RCOR1: variants seen among roughly 807,000 people sequenced by gnomAD.
RCOR1 encodes the protein REST corepressor.
Under a neutral mutation model 64.0 loss-of-function variants are expected in RCOR1, and 12 were observed. The ratio of observed to expected loss-of-function variants is 0.19; its 90% confidence interval spans 0.12 to 0.30. The LOEUF is 0.30. RCOR1 is among the 10% of genes least tolerant of loss of function. The pLI is 1.00. For synonymous variants in RCOR1, 279 were observed against 227.2 expected (o/e 1.23, Z -2.05); for missense variants, 502 against 621.2 (o/e 0.81, Z 2.04).
intron 7 of RCOR1, among the ~76,000 whole-genome samples, chr14:102,713,261 T>A (rs918964676): frequency 5.4e-5 from 8 of 148,900 alleles, no homozygotes; most frequent in African/African-American, 2.0e-4. Flanking sequence ...GCCCGTAGTT[T>A]CTTTTTTTTT....
intron 2 of RCOR1, chr14:102,662,477 TTGA>T (rs1291841607): frequency 1.3e-5 from 7 of 534,574 alleles, no homozygotes; most frequent in African/African-American, 5.7e-5. Flanking sequence ...CAGCGGCAAC[TTGA>T]TGATAATATG....
chr14:102,729,845 C>G lies in RCOR1; in HGVS notation c.*3339C>G, dbSNP rs937799361. ...AGCTAAGGAAAGATGGAGCCAACTC[C>G]AACGAGGGCCTCTTTTTCTCTCTTG... On this transcript the variant is annotated 3_prime_UTR_variant, in exon 12 of 12. Transcript: ENST00000262241. 2.5e-6 allele frequency: 1 copy of G among 398,940 alleles called. No individual in the cohort carries two copies. The highest frequency in any genetic ancestry group is 2.1e-5 in the African/African-American group (1 of 48,624). The allele number at this position is 398,940 out of a possible 1,614,324, so 24.7% of individuals were successfully genotyped here. A position where few individuals can be genotyped will look rare whatever the true frequency, so the allele number is the denominator to read the frequency against.
intron 2 of RCOR1, among the ~76,000 whole-genome samples, chr14:102,639,786 G>A (rs1894327440): frequency 6.7e-6 from 1 of 149,610 alleles, no homozygotes; most frequent in Non-Finnish European, 1.5e-5. Flanking sequence ...GCCCACCTCA[G>A]CCTCCCAAAG....
intron 2 of RCOR1, among the ~76,000 whole-genome samples, chr14:102,637,128 T>A (rs576178561): frequency 8.3e-5 from 12 of 145,448 alleles, no homozygotes; most frequent in Non-Finnish European, 1.7e-4. Context: ...TGTTTGTTTT[T>A]TTATTTTTTT....
chr14:102,692,562 T>G (rs1297829288), intron 3 of RCOR1, among the ~76,000 whole-genome samples: 1 of 152,130 alleles, frequency 6.6e-6, no homozygotes, highest in Non-Finnish European at 1.5e-5. Flanking sequence ...CTTTTCGGTA[T>G]GCTTATATGC....
intron 2 of RCOR1, among the ~76,000 whole-genome samples, chr14:102,636,138 C>T (rs1437714490): frequency 6.6e-6 from 1 of 151,708 alleles, no homozygotes; most frequent in Non-Finnish European, 1.5e-5. Flanking sequence ...TGGGGTTTCA[C>T]CGTGTTAGCC....
chr14:102,596,811 C>T (rs1017527684), intron 2 of RCOR1, among the ~76,000 whole-genome samples: 4 of 151,396 alleles, frequency 2.6e-5, no homozygotes, highest in African/African-American at 7.3e-5. Context: ...GTGATCTCCC[C>T]GCCTTGTCCT....
intron 2 of RCOR1, among the ~76,000 whole-genome samples, chr14:102,594,828 A>G (rs985141156): frequency 9.9e-5 from 15 of 152,196 alleles, no homozygotes; most frequent in Non-Finnish European, 1.6e-4. Context: ...TTGTAGGTCA[A>G]GTCTATCTTT....
chr14:102,682,956 A>G (rs1895335458), intron 3 of RCOR1, among the ~76,000 whole-genome samples: 1 of 152,162 alleles, frequency 6.6e-6, no homozygotes. Flanking sequence ...GGCTGTGTTC[A>G]TTTAGCCTGT....
intron 2 of RCOR1, among the ~76,000 whole-genome samples, chr14:102,634,187 A>G (rs1413146345): frequency 1.3e-5 from 2 of 152,114 alleles, no homozygotes; most frequent in Non-Finnish European, 2.9e-5. Context: ...ATGCCATGTA[A>G]TAGGCTCCTT....
intron 2 of RCOR1, among the ~76,000 whole-genome samples, chr14:102,635,442 T>A (rs1894216001): frequency 6.6e-6 from 1 of 152,122 alleles, no homozygotes; most frequent in African/African-American, 2.4e-5. Flanking sequence ...AGGCGGAGGT[T>A]GCAGTGAGCT....
chr14:102,674,410 A>G (rs985038210), intron 2 of RCOR1, among the ~76,000 whole-genome samples: 2 of 152,190 alleles, frequency 1.3e-5, no homozygotes, highest in African/African-American at 4.8e-5. Context: ...AAAAACCTCC[A>G]CCAATAGTTT....
chr14:102,612,518 A>G (rs942630254), intron 2 of RCOR1, among the ~76,000 whole-genome samples: 1 of 151,452 alleles, frequency 6.6e-6, no homozygotes. Context: ...TATTTTTTGT[A>G]GGGATGGGGG....
intron 8 of RCOR1, among the ~76,000 whole-genome samples, chr14:102,715,643 A>G (rs1896055485): frequency 6.6e-6 from 1 of 152,112 alleles, no homozygotes; most frequent in African/African-American, 2.4e-5. Context: ...TCAGCCTCCC[A>G]AAGTGTACTG....
At chr14:102,691,285 CAATA>C (rs35833952) in intron 3 of RCOR1, among the ~76,000 whole-genome samples, 50,050 of 151,360 alleles carry the variant, frequency 0.33, 9,031 homozygotes, top group East Asian at 0.64. Flanking sequence ...AAGATGGGAC[CAATA>C]AATAAGACAC....
At chr14:102,620,969 AAAATT>A (rs1893860225) in intron 2 of RCOR1, among the ~76,000 whole-genome samples, 1 of 152,182 alleles carries the variant, frequency 6.6e-6, no homozygotes, top group African/African-American at 2.4e-5. Context: ...ACAACTAAAA[AAAATT>A]AATACTTAGT....
chr14:102,606,216 G>C (rs1468056909), intron 2 of RCOR1, among the ~76,000 whole-genome samples: 1 of 152,208 alleles, frequency 6.6e-6, no homozygotes, highest in Non-Finnish European at 1.5e-5. Flanking sequence ...ATGAGCCACC[G>C]TGCCCGGCCT....
At chr14:102,627,777 C>T (rs1372932127) in intron 2 of RCOR1, among the ~76,000 whole-genome samples, 11 of 152,100 alleles carry the variant, frequency 7.2e-5, no homozygotes, top group African/African-American at 1.7e-4. Context: ...TTTGCCCCCA[C>T]TGCTCCTCTA....
At chr14:102,676,246 G>A (rs987802403) in intron 2 of RCOR1, among the ~76,000 whole-genome samples, 7 of 149,810 alleles carry the variant, frequency 4.7e-5, no homozygotes, top group East Asian at 2.0e-4. Flanking sequence ...AGACGGGGTC[G>A]TGGCCGGGCA....
Sources: gnomAD v4.1 joint callset for allele counts (sites outside exome capture counted in the v4.1 genomes callset) on GRCh38, gnomAD v4.1.1 for gene constraint, MANE v1.5 for transcripts, NCBI Gene and HGNC (gene_info 2026-07-23, HGNC 2026-07-21) for gene names.